NEK7: variants seen among roughly 807,000 people sequenced by gnomAD.
NEK7 encodes the protein NIMA related kinase 7.
NEK7 carries 18 observed loss-of-function variants against 44.6 expected under a neutral mutation model. The ratio of observed to expected loss-of-function variants is 0.40; its 90% CI spans 0.28 to 0.60. The LOEUF (loss-of-function observed/expected upper bound fraction) is 0.60. NEK7 is among the 20% of genes least tolerant of loss of function. NEK7 has a pLI of 0.38. For synonymous variants in NEK7, 130 were observed against 121.1 expected (o/e 1.07, Z -0.48); for missense variants, 256 against 366.5 (o/e 0.70, Z 2.46).
intron 9 of NEK7, among the ~76,000 whole-genome samples, chr1:198,299,533 C>T (rs531214062): frequency 6.6e-6 from 1 of 152,084 alleles, no homozygotes; most frequent in Non-Finnish European, 1.5e-5. Flanking sequence ...CAGAGTTTTT[C>T]AACAGTGAAC....
intron 5 of NEK7, 90 bp from the exon 6 acceptor site, chr1:198,277,871 C>T (rs1322285654): frequency 2.1e-5 from 14 of 680,244 alleles, no homozygotes; most frequent in Non-Finnish European, 3.6e-5. Context: ...ATAAAATTAG[C>T]TGTTTTTCTG....
chr1:198,319,354 G>A, intron 9 of NEK7, 58 bp from the exon 10 acceptor site: 2 of 1,229,720 alleles, frequency 1.6e-6, no homozygotes, highest in Non-Finnish European at 2.3e-6. Context: ...CTTCCTCTCA[G>A]TAAACTAACC....
chr1:198,233,490 A>G (rs1222583257), intron 2 of NEK7, among the ~76,000 whole-genome samples: 1 of 152,194 alleles, frequency 6.6e-6, no homozygotes, highest in Non-Finnish European at 1.5e-5. Context: ...GCATTCTACA[A>G]TATGTCTCAT....
chr1:198,314,705 G>A (rs1360543036), intron 9 of NEK7, among the ~76,000 whole-genome samples: 3 of 152,212 alleles, frequency 2.0e-5, no homozygotes, highest in African/African-American at 4.8e-5. Context: ...TGAGGTGTCA[G>A]TATGCCCCTG....
At chr1:198,286,569 T>C (rs1654377309) in intron 7 of NEK7, among the ~76,000 whole-genome samples, 1 of 152,172 alleles carries the variant, frequency 6.6e-6, no homozygotes, top group Admixed American at 6.5e-5. Context: ...TTTGTATTTA[T>C]TTTCAATTGC....
intron 1 of NEK7, among the ~76,000 whole-genome samples, chr1:198,217,620 C>G (rs1252465897): frequency 6.6e-6 from 1 of 151,818 alleles, no homozygotes; most frequent in Non-Finnish European, 1.5e-5. Flanking sequence ...TAAAGGACAT[C>G]CAAATTGGAA....
intron 5 of NEK7, among the ~76,000 whole-genome samples, chr1:198,269,090 GT>G (rs1435198845): frequency 6.6e-6 from 1 of 152,072 alleles, no homozygotes; most frequent in Non-Finnish European, 1.5e-5. Context: ...TTTTATTGGT[GT>G]TTGTATTTCC....
chr1:198,210,511 T>G (rs1405560973), intron 1 of NEK7, among the ~76,000 whole-genome samples: 1 of 152,144 alleles, frequency 6.6e-6, no homozygotes, highest in African/African-American at 2.4e-5. Context: ...AAATGCTTTT[T>G]TAATATGTAC....
chr1:198,211,090 A>G (rs1166704934), intron 1 of NEK7, among the ~76,000 whole-genome samples: 1 of 152,050 alleles, frequency 6.6e-6, no homozygotes, highest in Non-Finnish European at 1.5e-5. Context: ...CTTTGTGTCT[A>G]TTAGGTTGTT....
chr1:198,234,577 A>G (rs1004142580), intron 2 of NEK7, among the ~76,000 whole-genome samples: 2 of 152,210 alleles, frequency 1.3e-5, no homozygotes, highest in African/African-American at 4.8e-5. Flanking sequence ...TTTGCCTCCT[A>G]CTGACTCACC....
chr1:198,313,535 C>T (rs368180700), intron 9 of NEK7, among the ~76,000 whole-genome samples: 7,339 of 129,656 alleles, frequency 0.057, 316 homozygotes, highest in East Asian at 0.15. Context: ...TTCCTAGTCT[C>T]GATGGTCTTT....
chr1:198,294,036 A>G (rs185361071), intron 8 of NEK7, among the ~76,000 whole-genome samples: 3 of 152,048 alleles, frequency 2.0e-5, no homozygotes, highest in Middle Eastern at 3.4e-3. Context: ...GTAGAGCATT[A>G]GGAGGTGTTT....
chr1:198,262,212 A>G (rs1057277782), intron 3 of NEK7, among the ~76,000 whole-genome samples: 60 of 152,070 alleles, frequency 3.9e-4, no homozygotes, highest in Middle Eastern at 3.4e-3. Flanking sequence ...TGGGAATACT[A>G]CTATTATCAT....
intron 8 of NEK7, among the ~76,000 whole-genome samples, chr1:198,293,590 A>T (rs1190974357): frequency 6.6e-6 from 1 of 151,924 alleles, no homozygotes; most frequent in Non-Finnish European, 1.5e-5. Context: ...TCAAAGGAAG[A>T]TGGAATCATG....
At chr1:198,185,392 A>AAT (rs1283517117) in intron 1 of NEK7, among the ~76,000 whole-genome samples, 3 of 151,704 alleles carry the variant, frequency 2.0e-5, no homozygotes, top group Non-Finnish European at 2.9e-5. Flanking sequence ...TTGCGTAAGA[A>AAT]ATATATATAT....
intron 1 of NEK7, among the ~76,000 whole-genome samples, chr1:198,187,708 CTCGTTAGTG>C (rs1431747499): frequency 6.6e-6 from 1 of 152,178 alleles, no homozygotes; most frequent in African/African-American, 2.4e-5. Context: ...GCTGCCAGCT[CTCGTTAGTG>C]TCAGTATCTA....
At chr1:198,190,635 AT>A (rs1339023667) in intron 1 of NEK7, among the ~76,000 whole-genome samples, 1 of 151,962 alleles carries the variant, frequency 6.6e-6, no homozygotes, top group East Asian at 1.9e-4. Context: ...GTCCTAGATC[AT>A]TTTTTTGCAT....
chr1:198,220,337 A>C (rs1179199498), intron 1 of NEK7, among the ~76,000 whole-genome samples: 2 of 151,940 alleles, frequency 1.3e-5, no homozygotes, highest in Non-Finnish European at 2.9e-5. Context: ...GAGTCCTAGA[A>C]CCAATCATCT....
At chr1:198,219,728 T>C (rs1666032099) in intron 1 of NEK7, among the ~76,000 whole-genome samples, 1 of 152,038 alleles carries the variant, frequency 6.6e-6, no homozygotes. Context: ...TAAAATAAGT[T>C]GAAGCAATTC....
Sources: allele counts gnomAD v4.1 joint callset (sites outside exome capture counted in the v4.1 genomes callset), GRCh38; gene constraint gnomAD v4.1.1; transcripts MANE v1.5; gene names NCBI Gene and HGNC (gene_info 2026-07-23, HGNC 2026-07-21).